Variants in TAFA1 observed in about 807,000 individuals in gnomAD.
TAFA1 encodes chemokine-like protein TAFA-1.
A neutral mutation model predicts 18.5 loss-of-function variants in TAFA1; 4 were observed. The ratio of observed to expected loss-of-function variants is 0.22; its 90% CI spans 0.11 to 0.49. TAFA1 has a LOEUF of 0.49. TAFA1 is among the 20% of genes least tolerant of loss of function. TAFA1 has a pLI of 0.98. For synonymous variants in TAFA1, 56 were observed against 55.2 expected (o/e 1.01, Z -0.06); for missense variants, 147 against 169.0 (o/e 0.87, Z 0.72).
chr3:68,095,302 G>C (rs2065075253), intron 2 of TAFA1, among the ~76,000 whole-genome samples: 1 of 152,068 alleles, frequency 6.6e-6, no homozygotes, highest in Admixed American at 6.6e-5. Flanking sequence ...TCATTTAAGT[G>C]GTGTCATTTT....
rs577771702 is a variant in TAFA1 at position 68,523,893 on chromosome 3, T to C, written c.260-14863T>C. The stretch of plus-strand genomic sequence containing the variant: ...TTTTTCCAAACTTCTGTCAGTCTCA[T>C]ACCATCTTCCTATTTCGTGCTATAC... On this transcript the variant is annotated intron_variant, in intron 3 of 4. Transcript: ENST00000478136. Among the ~76,000 whole-genome samples the C allele has an allele frequency of 9.2e-5, 14 of 152,328 alleles. 1 individual carries two copies. Among genetic ancestry groups the C allele is most frequent in the Admixed American group, 2.6e-4 (4 of 15,298 alleles).
chr3:68,358,855 C>A (rs1435118314), intron 2 of TAFA1, among the ~76,000 whole-genome samples: 1 of 149,320 alleles, frequency 6.7e-6, no homozygotes, highest in Non-Finnish European at 1.5e-5. Flanking sequence ...ACTGTTGTCA[C>A]CAATTGAGTG....
intron 2 of TAFA1, among the ~76,000 whole-genome samples, chr3:68,389,382 C>A (rs2070175796): frequency 6.6e-6 from 1 of 150,812 alleles, no homozygotes; most frequent in South Asian, 2.1e-4. Flanking sequence ...ATAACTGTCC[C>A]ATTTTTTCTA....
At chr3:68,144,901 A>G (rs2106909166) in intron 2 of TAFA1, 1 of 673,634 alleles carries the variant, frequency 1.5e-6, no homozygotes, top group Non-Finnish European at 2.7e-6. Flanking sequence ...AAAAAATTGG[A>G]GATAATAATA....
intron 2 of TAFA1, among the ~76,000 whole-genome samples, chr3:68,343,747 G>T (rs991880900): frequency 6.6e-6 from 1 of 151,874 alleles, no homozygotes; most frequent in Non-Finnish European, 1.5e-5. Flanking sequence ...AGTTCTTGCT[G>T]TGAACAAAAG....
intron 2 of TAFA1, among the ~76,000 whole-genome samples, chr3:68,097,337 G>A (rs1031703531): frequency 6.6e-6 from 1 of 152,124 alleles, no homozygotes; most frequent in Admixed American, 6.6e-5. Context: ...ATTATGTTCA[G>A]GTTGAAGAGC....
intron 2 of TAFA1, among the ~76,000 whole-genome samples, chr3:68,268,509 G>A (rs1237775434): frequency 6.6e-6 from 1 of 151,990 alleles, no homozygotes; most frequent in Non-Finnish European, 1.5e-5. Flanking sequence ...ACCTCTTTTT[G>A]ATGGGTATTA....
At chr3:68,032,869 TGC>T (rs1704967146) in intron 2 of TAFA1, among the ~76,000 whole-genome samples, 1 of 152,164 alleles carries the variant, frequency 6.6e-6, no homozygotes, top group Non-Finnish European at 1.5e-5. Context: ...GATTTGCTCT[TGC>T]GCTTTTCAGT....
intron 2 of TAFA1, among the ~76,000 whole-genome samples, chr3:68,072,641 C>T (rs6548962): frequency 0.5 from 76,293 of 151,854 alleles, 19,590 homozygotes; most frequent in South Asian, 0.64. Flanking sequence ...AGAGGGACGA[C>T]GAGCCAGGTT....
chr3:68,242,924 G>A (rs2067019255), intron 2 of TAFA1, among the ~76,000 whole-genome samples: 1 of 151,984 alleles, frequency 6.6e-6, no homozygotes, highest in Non-Finnish European at 1.5e-5. Flanking sequence ...CTTGAACAGA[G>A]AGCAGAAAAA....
intron 2 of TAFA1, among the ~76,000 whole-genome samples, chr3:68,071,379 C>A (rs2064753397): frequency 6.6e-6 from 1 of 152,194 alleles, no homozygotes; most frequent in Admixed American, 6.5e-5. Flanking sequence ...CAACCTCCCA[C>A]CAGGTCCCTC....
At chr3:68,460,059 C>T (rs2071746419) in intron 3 of TAFA1, among the ~76,000 whole-genome samples, 1 of 152,054 alleles carries the variant, frequency 6.6e-6, no homozygotes, top group Admixed American at 6.6e-5. Flanking sequence ...TTCCTTCAAT[C>T]TCCCAGTATG....
intron 2 of TAFA1, among the ~76,000 whole-genome samples, chr3:68,096,889 G>A (rs2065092920): frequency 6.6e-6 from 1 of 152,154 alleles, no homozygotes; most frequent in Non-Finnish European, 1.5e-5. Flanking sequence ...ATGGTGGAAA[G>A]CAATCAGATA....
At chr3:68,211,027 T>G (rs188832945) in intron 2 of TAFA1, among the ~76,000 whole-genome samples, 19 of 152,154 alleles carry the variant, frequency 1.2e-4, no homozygotes, top group Admixed American at 7.9e-4. Flanking sequence ...CCTTATCATT[T>G]GGACTTCTTT....
At chr3:68,479,305 C>G (rs995412339) in intron 3 of TAFA1, among the ~76,000 whole-genome samples, 1 of 149,822 alleles carries the variant, frequency 6.7e-6, no homozygotes, top group African/African-American at 2.5e-5. Flanking sequence ...CACATATACA[C>G]TAATATATTG....
chr3:68,265,077 G>A (rs1025307617), intron 2 of TAFA1, among the ~76,000 whole-genome samples: 1 of 152,156 alleles, frequency 6.6e-6, no homozygotes, highest in African/African-American at 2.4e-5. Flanking sequence ...GGCAAAGCAA[G>A]ATATGTGTTC....
chr3:68,421,768 A>G lies in TAFA1; in HGVS notation c.259+4348A>G, dbSNP rs896020597. 7.2e-5 allele frequency among the ~76,000 whole-genome samples: 11 copies of G among 152,232 alleles called. No homozygotes were observed. In the South Asian group the frequency reaches 2.3e-3, roughly 32 times the overall value. On this transcript the variant is annotated intron_variant, in intron 3 of 4. Transcript: ENST00000478136. The stretch of plus-strand genomic sequence containing the variant: ...AATGTCTGACTCCCTTCAGAGGCTC[A>G]CTAAATGATAATATCTGTTTTCTAT...
chr3:67,992,326 T>C, the TAFA1 span, among the ~76,000 whole-genome samples: 1 of 152,186 alleles, frequency 6.6e-6, no homozygotes, highest in Admixed American at 6.5e-5. Flanking sequence ...CAAGGTTGTT[T>C]GGAGGATGAG....
intron 2 of TAFA1, among the ~76,000 whole-genome samples, chr3:68,112,306 C>T (rs2065272029): frequency 6.6e-6 from 1 of 152,102 alleles, no homozygotes; most frequent in African/African-American, 2.4e-5. Flanking sequence ...ATGCATCCTG[C>T]TGAATGAGCT....
Sources: gnomAD v4.1 joint callset for allele counts (sites outside exome capture counted in the v4.1 genomes callset) on GRCh38, gnomAD v4.1.1 for gene constraint, MANE v1.5 for transcripts, NCBI Gene and HGNC (gene_info 2026-07-23, HGNC 2026-07-21) for gene names.